The following THSD7B variants were observed in gnomAD, a reference collection of about 807,000 sequenced individuals.
THSD7B encodes thrombospondin type 1 domain containing 7B, also known as thrombospondin type-1 domain-containing protein 7B.
A neutral mutation model predicts 213.6 loss-of-function variants in THSD7B; 138 were observed. The ratio of observed to expected loss-of-function variants is 0.65; its 90% CI spans 0.56 to 0.74. THSD7B has a LOEUF of 0.74. THSD7B is among the 30% of genes least tolerant of loss of function. The pLI is 0.00. For missense variants in THSD7B, 1,931 were observed against 1,991.5 expected (o/e 0.97, Z 0.58); for synonymous variants, 742 against 687.0 (o/e 1.08, Z -1.25).
chr2:137,061,307 A>G (rs1401495741), intron 3 of THSD7B, among the ~76,000 whole-genome samples: 2 of 151,626 alleles, frequency 1.3e-5, no homozygotes, highest in South Asian at 2.1e-4. Context: ...TCTGCAAAAA[A>G]AAAAGGAAAA....
intron 15 of THSD7B, among the ~76,000 whole-genome samples, chr2:137,510,157 A>T (rs1049425393): frequency 2.6e-5 from 4 of 152,024 alleles, no homozygotes; most frequent in South Asian, 2.1e-4. Context: ...AAGGAATTTG[A>T]TTACTTATTT....
At chr2:136,854,185 A>G (rs1683141936) in intron 1 of THSD7B, among the ~76,000 whole-genome samples, 2 of 151,412 alleles carry the variant, frequency 1.3e-5, no homozygotes, top group African/African-American at 4.9e-5. Flanking sequence ...GCTGGGGGGG[A>G]ATAAAATACC....
intron 1 of THSD7B, among the ~76,000 whole-genome samples, chr2:136,870,065 C>A (rs368874571): frequency 0.019 from 1,850 of 99,850 alleles, 20 homozygotes; most frequent in South Asian, 0.03. Flanking sequence ...GAGCGAGACT[C>A]CGTCTCAAAA....
At chr2:136,818,745 T>G (rs78895230) in intron 1 of THSD7B, among the ~76,000 whole-genome samples, 1,675 of 152,288 alleles carry the variant, frequency 0.011, 13 homozygotes, top group Middle Eastern at 0.051. Context: ...AGGCCAATGG[T>G]ATAATAAAAT....
intron 7 of THSD7B, among the ~76,000 whole-genome samples, chr2:137,194,734 T>G (rs554876665): frequency 4.3e-4 from 66 of 152,268 alleles, no homozygotes; most frequent in Non-Finnish European, 4.0e-4. Context: ...TTATTATACA[T>G]GTACCTGAAC....
chr2:136,960,163 T>C (rs1685192034), intron 2 of THSD7B, among the ~76,000 whole-genome samples: 1 of 152,192 alleles, frequency 6.6e-6, no homozygotes, highest in Non-Finnish European at 1.5e-5. Context: ...GGTCTCACTC[T>C]GTTACCCAGG....
At chr2:137,608,309 T>C (rs1342967487) in intron 17 of THSD7B, among the ~76,000 whole-genome samples, 3 of 152,154 alleles carry the variant, frequency 2.0e-5, no homozygotes, top group African/African-American at 7.2e-5. Context: ...CCATTGTCCA[T>C]ACTAAATGCT....
chr2:136,974,506 A>G (rs1003849591), intron 2 of THSD7B, among the ~76,000 whole-genome samples: 1 of 152,190 alleles, frequency 6.6e-6, no homozygotes, highest in African/African-American at 2.4e-5. Flanking sequence ...AGCTCCATCC[A>G]TGTCCCTACA....
chr2:136,977,809 T>TTTTTTG (rs1553461922), intron 2 of THSD7B, among the ~76,000 whole-genome samples: 37,930 of 114,760 alleles, frequency 0.33, 5,574 homozygotes, highest in African/African-American at 0.53. Flanking sequence ...TTGTTTTTTT[T>TTTTTTG]TTTTTTTTTT....
intron 2 of THSD7B, among the ~76,000 whole-genome samples, chr2:136,951,314 TC>T (rs940640072): frequency 2.0e-5 from 3 of 152,232 alleles, no homozygotes; most frequent in African/African-American, 7.2e-5. Context: ...TATTCTCTTT[TC>T]CTCTCTGCAT....
chr2:136,779,951 G>A (rs576941869), intron 1 of THSD7B, among the ~76,000 whole-genome samples: 27 of 152,192 alleles, frequency 1.8e-4, no homozygotes, highest in African/African-American at 5.8e-4. Context: ...AGTCTGGTCC[G>A]AATCAGTAAA....
At chr2:136,830,243 G>A (rs1173193097) in intron 1 of THSD7B, among the ~76,000 whole-genome samples, 1 of 152,116 alleles carries the variant, frequency 6.6e-6, no homozygotes, top group Non-Finnish European at 1.5e-5. Context: ...GTAATCAAGG[G>A]TGCAGATGTT....
chr2:137,585,770 A>G (rs184463829), intron 17 of THSD7B, among the ~76,000 whole-genome samples: 1 of 152,162 alleles, frequency 6.6e-6, no homozygotes, highest in African/African-American at 2.4e-5. Flanking sequence ...TATGTGGTCA[A>G]TTTAGGAATA....
chr2:137,073,192 T>C (rs1243465381), intron 3 of THSD7B, among the ~76,000 whole-genome samples: 22 of 152,222 alleles, frequency 1.4e-4, no homozygotes, highest in African/African-American at 5.1e-4. Flanking sequence ...CCAGTTCCTC[T>C]TTGTACCTCT....
intron 2 of THSD7B, among the ~76,000 whole-genome samples, chr2:136,964,657 A>G (rs1685282963): frequency 6.6e-6 from 1 of 152,148 alleles, no homozygotes; most frequent in African/African-American, 2.4e-5. Context: ...AAACAAAACA[A>G]TAACAAAAAC....
chr2:137,034,591 A>G (rs890685860), intron 2 of THSD7B, among the ~76,000 whole-genome samples: 3 of 151,736 alleles, frequency 2.0e-5, no homozygotes, highest in Admixed American at 6.6e-5. Context: ...CCTTGCCCCC[A>G]ACCCCACCAA....
At chr2:137,675,580 A>G (rs910370099) in intron 27 of THSD7B, among the ~76,000 whole-genome samples, 20 of 152,168 alleles carry the variant, frequency 1.3e-4, no homozygotes, top group Middle Eastern at 6.8e-3. Flanking sequence ...TAAAGTAGCA[A>G]TAATTCTAAT....
intron 3 of THSD7B, among the ~76,000 whole-genome samples, chr2:137,061,766 A>AT (rs779320505): frequency 6.6e-6 from 1 of 151,868 alleles, no homozygotes; most frequent in Admixed American, 6.6e-5. Context: ...ACTTGCTAGT[A>AT]TTTTATTGAG....
intron 1 of THSD7B, among the ~76,000 whole-genome samples, chr2:136,765,965 C>G: frequency 6.6e-6 from 1 of 152,220 alleles, no homozygotes; most frequent in Non-Finnish European, 1.5e-5. Flanking sequence ...CCCCACGCGG[C>G]GACCTGAGCA....
Sources: gnomAD v4.1 joint callset for allele counts (sites outside exome capture counted in the v4.1 genomes callset) on GRCh38, gnomAD v4.1.1 for gene constraint, MANE v1.5 for transcripts, NCBI Gene and HGNC (gene_info 2026-07-23, HGNC 2026-07-21) for gene names.